DNAH14: variants seen among roughly 807,000 people sequenced by gnomAD.
DNAH14 encodes the protein axonemal beta dynein heavy chain 14.
In DNAH14, 478 loss-of-function variants were observed where a neutral mutation model predicts 520.9. The ratio of observed to expected loss-of-function variants is 0.92; its 90% confidence interval spans 0.85 to 0.99. DNAH14 has a LOEUF of 0.99. DNAH14 is among the 50% of genes least tolerant of loss of function. The pLI, the probability that DNAH14 is intolerant of heterozygous loss-of-function variation, is 0.00. For synonymous variants in DNAH14, 1,581 were observed against 1,757.2 expected, an observed-to-expected ratio of 0.90 and a Z score of 2.51; for missense variants, 4,831 against 5,234.5, an observed-to-expected ratio of 0.92 and a Z score of 2.38.
chr1:225,081,352 C>T (rs1165457203), intron 19 of DNAH14, among the ~76,000 whole-genome samples: 15 of 152,098 alleles, frequency 9.9e-5, no homozygotes, highest in Non-Finnish European at 1.6e-4. Flanking sequence ...CTTTATTTCA[C>T]TTGTTTTAAA....
chr1:225,096,018 G>A lies in DNAH14; in HGVS notation c.3574-1100G>A, dbSNP rs529406732. ...GTCTTGCTTTGTCACCCAGGCTGGA[G>A]TGCCGTGGTGCAGTCTCCACCCACT... On this transcript the variant is annotated intron_variant, in intron 21 of 85. Transcript: ENST00000682510. Among the ~76,000 whole-genome samples the A allele has an allele frequency of 2.8e-4, 42 of 152,258 alleles. No homozygotes were observed. In the South Asian group the frequency reaches 8.7e-3, roughly 32 times the overall value.
At chr1:225,068,486 A>T (rs2071173748) in intron 17 of DNAH14, among the ~76,000 whole-genome samples, 1 of 152,162 alleles carries the variant, frequency 6.6e-6, no homozygotes, top group Non-Finnish European at 1.5e-5. Flanking sequence ...TCTGTGAAGA[A>T]TGTCAATGGT....
At chr1:224,986,574 A>G (rs974631448) in intron 8 of DNAH14, among the ~76,000 whole-genome samples, 1 of 152,168 alleles carries the variant, frequency 6.6e-6, no homozygotes, top group African/African-American at 2.4e-5. Flanking sequence ...AAGGACAAAA[A>G]CCATATGATC....
At chr1:225,131,962 G>A (rs546746001) in intron 27 of DNAH14, among the ~76,000 whole-genome samples, 67 of 152,184 alleles carry the variant, frequency 4.4e-4, no homozygotes, top group Admixed American at 1.2e-3. Context: ...AAACAGAAAA[G>A]AAATTTATAA....
intron 27 of DNAH14, among the ~76,000 whole-genome samples, chr1:225,133,278 AT>A (rs879006858): frequency 6.6e-6 from 1 of 151,470 alleles, no homozygotes; most frequent in Non-Finnish European, 1.5e-5. Flanking sequence ...TGCTTTTGGA[AT>A]TTTTTTCATG....
At chr1:225,133,802 A>G (rs994921104) in intron 27 of DNAH14, among the ~76,000 whole-genome samples, 2 of 152,186 alleles carry the variant, frequency 1.3e-5, no homozygotes, top group South Asian at 4.1e-4. Flanking sequence ...TTGAATCTAT[A>G]AATTACTTTG....
At chr1:225,188,209 CA>C (rs921472958) in intron 37 of DNAH14, among the ~76,000 whole-genome samples, 3 of 151,696 alleles carry the variant, frequency 2.0e-5, no homozygotes, top group African/African-American at 7.2e-5. Flanking sequence ...AACTGTGGTC[CA>C]AAAACATTAA....
chr1:225,236,054 G>A (rs1010984652), intron 42 of DNAH14, among the ~76,000 whole-genome samples: 2 of 151,888 alleles, frequency 1.3e-5, no homozygotes, highest in Non-Finnish European at 2.9e-5. Context: ...TCTGATCTTG[G>A]TTATTTCTTT....
intron 1 of DNAH14, among the ~76,000 whole-genome samples, chr1:224,931,695 A>G (rs1292238920): frequency 6.6e-6 from 1 of 152,220 alleles, no homozygotes; most frequent in African/African-American, 2.4e-5. Flanking sequence ...CATATAAGTG[A>G]GAACATGATA....
chr1:225,265,923 AATAT>A (rs35658177), intron 48 of DNAH14, among the ~76,000 whole-genome samples: 1 of 150,418 alleles, frequency 6.6e-6, no homozygotes, highest in Admixed American at 6.6e-5. Flanking sequence ...TGTCTTAATA[AATAT>A]ATATATATAT....
chr1:225,033,358 T>C (rs1235719005), intron 11 of DNAH14, among the ~76,000 whole-genome samples: 2 of 152,102 alleles, frequency 1.3e-5, no homozygotes, highest in African/African-American at 4.8e-5. Context: ...TGCTTGTTTT[T>C]GTTAGCTTTG....
chr1:225,125,524 T>G (rs2077647722), intron 27 of DNAH14, among the ~76,000 whole-genome samples: 1 of 152,256 alleles, frequency 6.6e-6, no homozygotes, highest in Non-Finnish European at 1.5e-5. Context: ...CAACTTCTGC[T>G]AGCTTTCAAC....
At chr1:225,007,912 G>A (rs931632252) in intron 10 of DNAH14, among the ~76,000 whole-genome samples, 2 of 143,726 alleles carry the variant, frequency 1.4e-5, no homozygotes, top group Admixed American at 7.3e-5. Flanking sequence ...GCCTGAGGAT[G>A]TACATTTCTT....
chr1:225,380,044 A>C (rs2095760280), intron 79 of DNAH14, 115 bp from the exon 80 acceptor site: 1 of 1,116,076 alleles, frequency 9.0e-7, no homozygotes, highest in African/African-American at 1.6e-5. Flanking sequence ...ACAGTGGTAT[A>C]GAACACTAAA....
chr1:225,238,668 C>A (rs955868072), intron 42 of DNAH14, among the ~76,000 whole-genome samples: 1 of 152,122 alleles, frequency 6.6e-6, no homozygotes, highest in Non-Finnish European at 1.5e-5. Flanking sequence ...TTGGGAGTGG[C>A]CCTTTCTTTC....
At chr1:225,100,462 A>C (rs2075351901) in intron 22 of DNAH14, among the ~76,000 whole-genome samples, 1 of 152,154 alleles carries the variant, frequency 6.6e-6, no homozygotes, top group African/African-American at 2.4e-5. Flanking sequence ...ATTTCTATAC[A>C]TCTGTCTTCC....
chr1:225,018,393 A>G (rs1356622306), intron 10 of DNAH14, among the ~76,000 whole-genome samples: 1 of 152,220 alleles, frequency 6.6e-6, no homozygotes, highest in East Asian at 1.9e-4. Flanking sequence ...GGGATTCTGT[A>G]AAGAGATCAA....
chr1:225,338,431 A>C lies in DNAH14; in HGVS notation c.10433+249A>C, dbSNP rs1170233640. 8.0e-6 allele frequency: 5 copies of C among 626,984 alleles called. No individual in the cohort carries two copies. The South Asian group carries it at 9.8e-5, about 12-fold the overall frequency. 38.8% of individuals were successfully genotyped at this position (626,984 alleles called of 1,614,324 possible). On this transcript the variant is annotated intron_variant, in intron 68 of 85. Transcript: ENST00000682510. ...CATGATAAAATCTGTGGGTTTTATG[A>C]GGAGTCTTCAGAAGCTATGCAGAGG...
intron 41 of DNAH14, among the ~76,000 whole-genome samples, chr1:225,210,636 C>T (rs1039837174): frequency 6.6e-6 from 1 of 152,198 alleles, no homozygotes; most frequent in Non-Finnish European, 1.5e-5. Flanking sequence ...GCTCTTCCAG[C>T]ACAGTGCTCG....
Sources: gnomAD v4.1 joint callset for allele counts (sites outside exome capture counted in the v4.1 genomes callset) on GRCh38, gnomAD v4.1.1 for gene constraint, MANE v1.5 for transcripts, NCBI Gene and HGNC (gene_info 2026-07-23, HGNC 2026-07-21) for gene names.